ACSM3: variants seen among roughly 807,000 people sequenced by gnomAD.
ACSM3 encodes acyl-coenzyme A synthetase ACSM3, mitochondrial.
Under a neutral mutation model 74.1 loss-of-function variants are expected in ACSM3, and 61 were observed. The ratio of observed to expected loss-of-function variants is 0.82; its 90% CI spans 0.67 to 1.02. The LOEUF (loss-of-function observed/expected upper bound fraction) is 1.02. Ranked by LOEUF, ACSM3 falls within the 50% of genes least tolerant of loss-of-function variation. The pLI is 0.00. For missense variants in ACSM3, 660 were observed against 697.0 expected, an observed-to-expected ratio of 0.95 and a Z score of 0.60; for synonymous variants, 213 against 241.5, an observed-to-expected ratio of 0.88 and a Z score of 1.09.
intron 1 of ACSM3, among the ~76,000 whole-genome samples, chr16:20,685,819 C>CAA (rs71842093): frequency 0.24 from 11,884 of 49,268 alleles, 2,880 homozygotes; most frequent in Non-Finnish European, 0.31. Flanking sequence ...GACTCCGTCT[C>CAA]AAAAAAAAAA....
chr16:20,706,731 G>A (rs2079729316), intron 1 of ACSM3, among the ~76,000 whole-genome samples: 2 of 152,168 alleles, frequency 1.3e-5, no homozygotes, highest in Non-Finnish European at 2.9e-5. Context: ...GTCATGCACA[G>A]TAGTACCTCA....
In ACSM3 at chr16:20,797,173, T is replaced by TA; in HGVS notation, c.*201_*202insA. On this transcript the variant is annotated 3_prime_UTR_variant, in exon 14 of 14. Transcript: ENST00000289416. ...AATTCCTCCACATTAGTGTCAATGT[T>TA]CCTATCATTTCTTAATATAAAAATA... 7.7e-7 allele frequency: 1 copy of TA among 1,302,030 alleles called. No individual in the cohort carries two copies. Among genetic ancestry groups the TA allele is most frequent in the Non-Finnish European group, 9.7e-7 (1 of 1,026,586 alleles). The allele number at this position is 1,302,030 out of a possible 1,614,324, so 80.7% of individuals were successfully genotyped here. A position where few individuals can be genotyped will look rare whatever the true frequency, so the allele number is the denominator to read the frequency against.
At chr16:20,737,501 C>T (rs990804630) in intron 1 of ACSM3, among the ~76,000 whole-genome samples, 2 of 152,048 alleles carry the variant, frequency 1.3e-5, no homozygotes, top group Non-Finnish European at 2.9e-5. Context: ...AATTCAATTT[C>T]GAGTTAAAAA....
intron 4 of ACSM3, among the ~76,000 whole-genome samples, chr16:20,779,425 C>A (rs1166360080): frequency 3.8e-4 from 50 of 131,922 alleles, no homozygotes; most frequent in African/African-American, 6.8e-4. Flanking sequence ...AACCCTGTCT[C>A]AAAAAAAAAA....
chr16:20,716,158 A>G (rs545940827), intron 1 of ACSM3, among the ~76,000 whole-genome samples: 33 of 152,308 alleles, frequency 2.2e-4, no homozygotes, highest in South Asian at 8.3e-4. Context: ...CCCAGATTCA[A>G]AGAGAGAGGA....
intron 1 of ACSM3, chr16:20,680,925 C>A (rs2079431967): frequency 6.6e-6 from 1 of 152,148 alleles, no homozygotes; most frequent in Admixed American, 6.5e-5. Flanking sequence ...TCTAATTCCT[C>A]TAAAGCAAGG....
chr16:20,694,788 TA>T (rs2152344344), intron 1 of ACSM3, among the ~76,000 whole-genome samples: 1 of 152,300 alleles, frequency 6.6e-6, no homozygotes, highest in East Asian at 1.9e-4. Context: ...ATTGGGTCTT[TA>T]AAAATGTAAT....
chr16:20,708,303 A>AAAC (rs869219405), intron 1 of ACSM3, among the ~76,000 whole-genome samples: 126 of 152,078 alleles, frequency 8.3e-4, no homozygotes, highest in African/African-American at 1.9e-3. Context: ...CCTGTCTCAA[A>AAAC]AACAACAACA....
intron 1 of ACSM3, chr16:20,680,913 T>C (rs2079431890): frequency 6.6e-6 from 1 of 152,266 alleles, no homozygotes; most frequent in African/African-American, 2.4e-5. Context: ...GCCATTCTTC[T>C]TTCTAATTCC....
At chr16:20,706,211 G>T (rs1444002892) in intron 1 of ACSM3, among the ~76,000 whole-genome samples, 1 of 151,066 alleles carries the variant, frequency 6.6e-6, no homozygotes, top group African/African-American at 2.4e-5. Flanking sequence ...ACAGATCCAA[G>T]AATATTAGAA....
intron 1 of ACSM3, among the ~76,000 whole-genome samples, chr16:20,700,766 G>T (rs934302259): frequency 6.6e-6 from 1 of 152,096 alleles, no homozygotes; most frequent in Admixed American, 6.5e-5. Flanking sequence ...CATTTTCTTG[G>T]TGACTTGATT....
chr16:20,743,299 T>A (rs2079944289), intron 1 of ACSM3, among the ~76,000 whole-genome samples: 1 of 152,148 alleles, frequency 6.6e-6, no homozygotes, highest in African/African-American at 2.4e-5. Context: ...TCAAAAGGCT[T>A]CCAGTAAATT....
intron 1 of ACSM3, chr16:20,725,354 T>C (rs2079801072): frequency 4.1e-6 from 1 of 243,436 alleles, no homozygotes. Flanking sequence ...TCTTTCTCCA[T>C]CATCCAGACA....
intron 1 of ACSM3, among the ~76,000 whole-genome samples, chr16:20,695,418 T>C (rs980969338): frequency 6.6e-6 from 1 of 152,238 alleles, no homozygotes; most frequent in East Asian, 1.9e-4. Context: ...AGGGAAGCTC[T>C]TATAGAGTAG....
At chr16:20,710,201 C>T (rs1182283030) in intron 1 of ACSM3, among the ~76,000 whole-genome samples, 1 of 152,152 alleles carries the variant, frequency 6.6e-6, no homozygotes, top group Non-Finnish European at 1.5e-5. Context: ...TGATGCTAGA[C>T]CACTAGAATC....
At chr16:20,731,587 G>T (rs963514120) in intron 1 of ACSM3, 2 of 279,716 alleles carry the variant, frequency 7.2e-6, no homozygotes, top group African/African-American at 2.2e-5. Context: ...TGATGTGTCT[G>T]AAAAACAGAG....
chr16:20,695,588 A>G (rs995301904), intron 1 of ACSM3, among the ~76,000 whole-genome samples: 1 of 151,994 alleles, frequency 6.6e-6, no homozygotes, highest in Non-Finnish European at 1.5e-5. Flanking sequence ...CCTATCTATT[A>G]TCTATCTATC....
intron 1 of ACSM3, among the ~76,000 whole-genome samples, chr16:20,715,009 G>A (rs77000869): frequency 2.5e-4 from 36 of 142,514 alleles, no homozygotes; most frequent in African/African-American, 6.4e-4. Flanking sequence ...AGATAGATAG[G>A]TAGATAGATG....
chr16:20,686,282 T>C (rs1232197177), intron 1 of ACSM3, among the ~76,000 whole-genome samples: 1 of 152,094 alleles, frequency 6.6e-6, no homozygotes, highest in Non-Finnish European at 1.5e-5. Flanking sequence ...TCCAGGCCCT[T>C]TTTTGCCTCA....
Sources: allele counts gnomAD v4.1 joint callset (sites outside exome capture counted in the v4.1 genomes callset), GRCh38; gene constraint gnomAD v4.1.1; transcripts MANE v1.5; gene names NCBI Gene and HGNC (gene_info 2026-07-23, HGNC 2026-07-21).